The following CD47 variants were observed in gnomAD, a reference collection of about 807,000 sequenced individuals.
CD47 encodes leukocyte surface antigen CD47.
A neutral mutation model predicts 44.6 loss-of-function variants in CD47; 11 were observed. That is an observed-to-expected ratio of 0.25 (90% CI 0.16 to 0.41). The LOEUF (loss-of-function observed/expected upper bound fraction) is 0.41. Ranked by LOEUF, CD47 falls within the 10% of genes least tolerant of loss-of-function variation. The pLI is 1.00. For synonymous variants in CD47, 140 were observed against 136.3 expected (o/e 1.03, Z -0.19); for missense variants, 306 against 386.7 (o/e 0.79, Z 1.75).
rs993214689 is a variant in CD47 at position 108,047,052 on chromosome 3, A to T, written c.*236T>A. The T allele has an allele frequency of 4.7e-6, 2 of 427,648 alleles. No homozygotes were observed. The highest frequency in any genetic ancestry group is 8.3e-6 in the Non-Finnish European group (2 of 241,612). 26.5% of individuals were successfully genotyped at this position (427,648 alleles called of 1,614,324 possible). The stretch of plus-strand genomic sequence containing the variant: ...TAATTGATTAAAAATAACAACAAAA[A>T]ACTGGATCTCAATTGGGCAAACAAC... On this transcript the variant is annotated 3_prime_UTR_variant, in exon 11 of 11. Coordinates refer to ENST00000361309, the MANE Select transcript of CD47 (RefSeq NM_001777.4).
At chr3:108,066,765 G>C (rs779587566) in intron 3 of CD47, among the ~76,000 whole-genome samples, 4 of 152,148 alleles carry the variant, frequency 2.6e-5, no homozygotes, top group Non-Finnish European at 5.9e-5. Flanking sequence ...CTGATTGTGC[G>C]AATGTCGACA....
chr3:108,059,610 C>A, intron 4 of CD47, 66 bp from the exon 5 acceptor site: 1 of 743,528 alleles, frequency 1.3e-6, no homozygotes, highest in South Asian at 2.8e-5. Flanking sequence ...AATCTAAATT[C>A]TGTGCTTGAC....
At chr3:108,062,712 G>A (rs1462456999) in intron 3 of CD47, among the ~76,000 whole-genome samples, 5 of 149,158 alleles carry the variant, frequency 3.4e-5, no homozygotes, top group African/African-American at 4.9e-5. Flanking sequence ...GCACAATCTC[G>A]GCTCACTGCA....
At chr3:108,084,498 T>C (rs2079480244) in intron 1 of CD47, among the ~76,000 whole-genome samples, 1 of 152,010 alleles carries the variant, frequency 6.6e-6, no homozygotes, top group African/African-American at 2.4e-5. Flanking sequence ...CCCTAGTATT[T>C]TCCCTGACTC....
intron 4 of CD47, among the ~76,000 whole-genome samples, 180 bp downstream of exon 4, chr3:108,060,565 C>T (rs1318376823): frequency 6.6e-6 from 1 of 152,098 alleles, no homozygotes; most frequent in Non-Finnish European, 1.5e-5. Context: ...GGAGTGTGGC[C>T]CTGATGACGT....
intron 2 of CD47, among the ~76,000 whole-genome samples, chr3:108,073,854 C>T (rs2079255333): frequency 6.6e-6 from 1 of 152,210 alleles, no homozygotes; most frequent in Admixed American, 6.5e-5. Flanking sequence ...GTGTGACCAA[C>T]AAACGCAGTC....
intron 7 of CD47, 101 bp downstream of exon 7, chr3:108,057,376 C>T (rs2078929203): frequency 3.4e-5 from 21 of 617,548 alleles, no homozygotes; most frequent in Non-Finnish European, 5.7e-5. Flanking sequence ...ATTGTATTTT[C>T]TCATTTTTGG....
chr3:108,074,915 T>C (rs1375576643), intron 2 of CD47, among the ~76,000 whole-genome samples: 2 of 152,174 alleles, frequency 1.3e-5, no homozygotes, highest in South Asian at 2.1e-4. Context: ...AAAACCAACA[T>C]TTTATATAAA....
chr3:108,061,978 A>G (rs2079022680), intron 3 of CD47, among the ~76,000 whole-genome samples: 1 of 152,232 alleles, frequency 6.6e-6, no homozygotes, highest in Non-Finnish European at 1.5e-5. Flanking sequence ...TGTTTAAGGT[A>G]TATGACAGGT....
intron 2 of CD47, among the ~76,000 whole-genome samples, chr3:108,077,303 G>T (rs1173473446): frequency 1.3e-5 from 2 of 152,070 alleles, no homozygotes; most frequent in African/African-American, 2.4e-5. Flanking sequence ...TAAGAGTCCT[G>T]CCCCATTTAA....
At chr3:108,087,630 G>A (rs2079547898) in intron 1 of CD47, among the ~76,000 whole-genome samples, 1 of 152,122 alleles carries the variant, frequency 6.6e-6, no homozygotes, top group Admixed American at 6.5e-5. Flanking sequence ...GAAAAAAGTG[G>A]TTTTGACAGG....
chr3:108,059,313 A>G, intron 5 of CD47, 139 bp downstream of exon 5: 1 of 437,744 alleles, frequency 2.3e-6, no homozygotes, highest in Middle Eastern at 4.9e-4. Flanking sequence ...GGAAAATGTC[A>G]CTAAGAATAG....
intron 7 of CD47, among the ~76,000 whole-genome samples, chr3:108,056,577 C>T (rs1391337653): frequency 6.6e-6 from 1 of 151,988 alleles, no homozygotes; most frequent in African/African-American, 2.4e-5. Flanking sequence ...TTTTTTTACT[C>T]CATTAATTTA....
rs116923595 is a variant in CD47 at position 108,085,939 on chromosome 3, G to A, written c.46+4924C>T. 2.2e-4 allele frequency among the ~76,000 whole-genome samples: 34 copies of A among 152,224 alleles called. No individual in the cohort carries two copies. In the East Asian group the frequency reaches 6.4e-3, roughly 29 times the overall value. ...TTTCATGGAAAATCTCAAGTCACTT[G>A]TATGGTTGGATAGAAAAGTTCCTTA... On this transcript the variant is annotated intron_variant, in intron 1 of 10. Coordinates refer to ENST00000361309, the MANE Select transcript of CD47 (RefSeq NM_001777.4).
intron 5 of CD47, among the ~76,000 whole-genome samples, chr3:108,058,828 A>G (rs979779206): frequency 6.6e-6 from 1 of 152,224 alleles, no homozygotes; most frequent in African/African-American, 2.4e-5. Context: ...CTATCTCTAG[A>G]TGTCATTTTA....
chr3:108,087,982 T>C (rs560344914), intron 1 of CD47, among the ~76,000 whole-genome samples: 1 of 152,084 alleles, frequency 6.6e-6, no homozygotes, highest in African/African-American at 2.4e-5. Flanking sequence ...GTTCTTTTTA[T>C]CACAGAAGAA....
intron 2 of CD47, among the ~76,000 whole-genome samples, chr3:108,072,433 A>G (rs1291822067): frequency 6.6e-6 from 1 of 152,172 alleles, no homozygotes; most frequent in African/African-American, 2.4e-5. Context: ...AGAATATAAC[A>G]ACATCATAAA....
intron 1 of CD47, among the ~76,000 whole-genome samples, chr3:108,090,586 T>C (rs959796862): frequency 3.3e-5 from 5 of 151,448 alleles, no homozygotes; most frequent in Non-Finnish European, 5.9e-5. Context: ...AGTCTTCCTG[T>C]GTGTGTGCAT....
rs1020208728 is a variant in CD47 at position 108,061,650 on chromosome 3, C to T, written c.491-798G>A. ...TGAAAGAATGGAATGGGTCAATCTG[C>T]GAATATTAGTTCTTTTACTATATAT... On this transcript the variant is annotated intron_variant, in intron 3 of 10. Coordinates refer to ENST00000361309, the MANE Select transcript of CD47 (RefSeq NM_001777.4). Among the ~76,000 whole-genome samples, 44 of 152,142 alleles carry T rather than the reference C, an allele frequency of 2.9e-4. 1 individual carries two copies. The highest frequency in any genetic ancestry group is 2.5e-3 in the Admixed American group (38 of 15,276).
Sources: allele counts gnomAD v4.1 joint callset (sites outside exome capture counted in the v4.1 genomes callset), GRCh38; gene constraint gnomAD v4.1.1; transcripts MANE v1.5; gene names NCBI Gene and HGNC (gene_info 2026-07-23, HGNC 2026-07-21).